XIRP2: variants seen among roughly 807,000 people sequenced by gnomAD.
The protein encoded by XIRP2 is xin actin-binding repeat-containing protein 2.
XIRP2 carries 236 observed loss-of-function variants against 277.0 expected under a neutral mutation model. That is an observed-to-expected ratio of 0.85 (90% CI 0.77 to 0.95). XIRP2 has a LOEUF of 0.95. Among genes scored for constraint, XIRP2 ranks in the 40% least tolerant of loss-of-function variants. The probability of loss-of-function intolerance (pLI) is 0.00; values close to 1 mark genes in which losing one functional copy is unlikely to be tolerated. For synonymous variants in XIRP2, 1,490 were observed against 1,416.5 expected, an observed-to-expected ratio of 1.05 and a Z score of -1.17; for missense variants, 4,640 against 4,157.5, an observed-to-expected ratio of 1.12 and a Z score of -3.19.
Position 167,245,939 on chromosome 2 carries a change from A to G in XIRP2, c.4547A>G (p.Glu1516Gly). ...HKGITKMTKE[E>G]IPPSDVKTTT... The stretch of plus-strand genomic sequence containing the variant: ...GGTATCACAAAAATGACCAAGGAAG[A>G]AATCCCTCCTTCTGATGTCAAAACA... The change falls in exon 9 of 11, where the codon GAA becomes GGA. Residue 1516 changes from glutamate to glycine, a missense_variant. By Grantham distance (98) the Glu-to-Gly change is moderately conservative (BLOSUM62 -2). Transcript: ENST00000409195. 6.2e-7 allele frequency: 1 copy of G among 1,613,722 alleles called. No individual in the cohort carries two copies. Among genetic ancestry groups the G allele is most frequent in the Non-Finnish European group, 8.5e-7 (1 of 1,179,754 alleles).
chr2:167,169,312 C>T (rs1692615682), intron 3 of XIRP2, among the ~76,000 whole-genome samples: 1 of 152,166 alleles, frequency 6.6e-6, no homozygotes, highest in African/African-American at 2.4e-5. Context: ...GAAGGCAAAA[C>T]TTACAAAAAT....
chr2:167,152,256 A>G (rs1474754720), intron 3 of XIRP2, among the ~76,000 whole-genome samples: 1 of 152,080 alleles, frequency 6.6e-6, no homozygotes, highest in African/African-American at 2.4e-5. Context: ...TATCCGCCCC[A>G]TACCAAAAGA....
Position 167,025,629 on chromosome 2 carries a change from T to C in XIRP2, c.409-110280T>C, listed in dbSNP as rs955476692. ...TTTCCTCTACACACTGCTTTGAATG[T>C]GTCCCAGAGATTCTGGTATGTTGTG... On this transcript the variant is annotated intron_variant, in intron 2 of 10. Coordinates refer to ENST00000409195, the MANE Select transcript of XIRP2 (RefSeq NM_152381.6). Among the ~76,000 whole-genome samples, 904 of 152,124 alleles carry C rather than the reference T, an allele frequency of 5.9e-3. 17 individuals carry two copies. Among genetic ancestry groups the C allele is most frequent in the African/African-American group, 0.021 (880 of 41,536 alleles).
chr2:167,055,442 A>G (rs1017226452), intron 2 of XIRP2, among the ~76,000 whole-genome samples: 3 of 152,198 alleles, frequency 2.0e-5, no homozygotes, highest in African/African-American at 7.2e-5. Flanking sequence ...GCTTTTCATC[A>G]AGGATATTAT....
chr2:167,074,181 T>C (rs1235725406), intron 2 of XIRP2, among the ~76,000 whole-genome samples: 1 of 152,154 alleles, frequency 6.6e-6, no homozygotes, highest in Non-Finnish European at 1.5e-5. Context: ...AGTCTCAGTT[T>C]CCTTATTCAT....
intron 3 of XIRP2, among the ~76,000 whole-genome samples, chr2:167,164,926 A>C (rs1040734827): frequency 1.3e-5 from 2 of 152,198 alleles, no homozygotes; most frequent in Non-Finnish European, 1.5e-5. Context: ...TGTTTGGACA[A>C]ACATAAAACA....
At chr2:166,894,531 G>T (rs1684190827) in intron 1 of XIRP2, among the ~76,000 whole-genome samples, 1 of 152,106 alleles carries the variant, frequency 6.6e-6, no homozygotes, top group African/African-American at 2.4e-5. Context: ...TAATTGAGTT[G>T]CTCTTAATAT....
At chr2:167,030,915 T>C (rs1216134373) in intron 2 of XIRP2, among the ~76,000 whole-genome samples, 1 of 152,144 alleles carries the variant, frequency 6.6e-6, no homozygotes, top group South Asian at 2.1e-4. Context: ...TAGCTCTTCT[T>C]ATTGCATTGA....
At chr2:167,147,153 T>G (rs1482384687) in intron 3 of XIRP2, among the ~76,000 whole-genome samples, 1 of 152,062 alleles carries the variant, frequency 6.6e-6, no homozygotes, top group East Asian at 1.9e-4. Context: ...ACAGAAAAAG[T>G]AATTTGAGAT....
intron 2 of XIRP2, among the ~76,000 whole-genome samples, chr2:167,083,096 TA>T (rs1297097080): frequency 6.6e-5 from 10 of 152,260 alleles, no homozygotes; most frequent in African/African-American, 2.4e-4. Context: ...TTTAAGTCTT[TA>T]ATCCATCTTG....
intron 5 of XIRP2, among the ~76,000 whole-genome samples, chr2:167,232,169 T>A (rs1163192522): frequency 6.6e-6 from 1 of 152,036 alleles, no homozygotes; most frequent in African/African-American, 2.4e-5. Context: ...ATGGGAATCA[T>A]ACAACAGTAT....
intron 2 of XIRP2, among the ~76,000 whole-genome samples, chr2:166,962,678 A>C (rs957745802): frequency 6.6e-6 from 1 of 151,832 alleles, no homozygotes; most frequent in Admixed American, 6.6e-5. Context: ...TTAATTTGTC[A>C]TGGAGATAAT....
intron 2 of XIRP2, among the ~76,000 whole-genome samples, chr2:167,002,980 A>G (rs1317500305): frequency 1.3e-5 from 2 of 151,926 alleles, no homozygotes; most frequent in Non-Finnish European, 2.9e-5. Context: ...AGTCACTAGC[A>G]TATTTGCATA....
intron 5 of XIRP2, among the ~76,000 whole-genome samples, chr2:167,234,891 A>AT (rs201695604): frequency 0.018 from 2,786 of 151,996 alleles, 51 homozygotes; most frequent in African/African-American, 0.047. Flanking sequence ...TGCCCAATGC[A>AT]TCCCACTACA....
chr2:166,904,845 A>G (rs1684476118), intron 2 of XIRP2, among the ~76,000 whole-genome samples: 1 of 152,054 alleles, frequency 6.6e-6, no homozygotes, highest in Non-Finnish European at 1.5e-5. Flanking sequence ...ACACAGTCGT[A>G]TTCTTGTTAA....
At chr2:167,023,270 T>C (rs1011017058) in intron 2 of XIRP2, among the ~76,000 whole-genome samples, 3 of 152,194 alleles carry the variant, frequency 2.0e-5, no homozygotes, top group African/African-American at 7.2e-5. Context: ...GAAGTGTCTG[T>C]TCATGTCCTT....
At chr2:167,207,797 T>C (rs1321374884) in intron 3 of XIRP2, among the ~76,000 whole-genome samples, 1 of 152,138 alleles carries the variant, frequency 6.6e-6, no homozygotes, top group African/African-American at 2.4e-5. Context: ...AAAATGTAAA[T>C]ATTTTTTCCA....
At chr2:167,129,707 C>T (rs1691317656) in intron 2 of XIRP2, among the ~76,000 whole-genome samples, 1 of 151,810 alleles carries the variant, frequency 6.6e-6, no homozygotes, top group Admixed American at 6.6e-5. Context: ...CCTGTCTCTA[C>T]TGAAAATATA....
At chr2:167,059,101 CTTTTTTT>C (rs572437575) in intron 2 of XIRP2, among the ~76,000 whole-genome samples, 45 of 95,958 alleles carry the variant, frequency 4.7e-4, no homozygotes, top group East Asian at 1.6e-3. Context: ...TTTTTTTTCT[CTTTTTTT>C]TTTTTTTTTT....
Sources: allele counts gnomAD v4.1 joint callset (sites outside exome capture counted in the v4.1 genomes callset), GRCh38; gene constraint gnomAD v4.1.1; transcripts MANE v1.5; gene names NCBI Gene and HGNC (gene_info 2026-07-23, HGNC 2026-07-21).